Variants in GLB1L2 observed in about 807,000 individuals in gnomAD.
GLB1L2 encodes galactosidase beta 1 like 2.
GLB1L2 carries 68 observed loss-of-function variants against 84.1 expected under a neutral mutation model. The ratio of observed to expected loss-of-function variants is 0.81; its 90% CI spans 0.67 to 0.99. The LOEUF is 0.99. Ranked by LOEUF, GLB1L2 falls within the 50% of genes least tolerant of loss-of-function variation. The pLI is 0.00. For missense variants in GLB1L2, 762 were observed against 805.6 expected (o/e 0.95, Z 0.66); for synonymous variants, 290 against 318.0 (o/e 0.91, Z 0.94).
At chr11:134,335,843 G>C (rs1223431389) in intron 1 of GLB1L2, among the ~76,000 whole-genome samples, 2 of 152,180 alleles carry the variant, frequency 1.3e-5, no homozygotes, top group African/African-American at 4.8e-5. Context: ...TGCGGAGAAA[G>C]GTTTGAGAAC....
At chr11:134,374,897 CT>C (rs1944005594) in intron 18 of GLB1L2, 74 bp from the exon 19 acceptor site, 1 of 1,428,214 alleles carries the variant, frequency 7.0e-7, no homozygotes, top group African/African-American at 1.4e-5. Flanking sequence ...CCTTCTGACC[CT>C]GCCACCTCTC....
rs550449487 is a variant in GLB1L2, at chr11:134,375,735, A to G, written c.*677A>G. ...TAGCAGGTGTCTCTGGTGTTCAGTG[A>G]GGAGGACATGTGAGTCCTGGCAGAA... is the stretch of plus-strand genomic sequence containing the variant. On this transcript the variant is annotated 3_prime_UTR_variant, in exon 19 of 19. Coordinates refer to ENST00000535456, the MANE Select transcript of GLB1L2 (RefSeq NM_001370461.1). The G allele has an allele frequency of 6.6e-6, 1 of 152,558 alleles. No individual in the cohort carries two copies. The highest frequency in any genetic ancestry group is 2.1e-4 in the South Asian group (1 of 4,834). The allele number at this position is 152,558 out of a possible 1,614,324, so 9.5% of individuals were successfully genotyped here.
intron 7 of GLB1L2, among the ~76,000 whole-genome samples, chr11:134,363,516 G>A (rs1427353552): frequency 6.6e-6 from 1 of 152,236 alleles, no homozygotes; most frequent in Admixed American, 6.5e-5. Context: ...ATGCCCGGGT[G>A]TCAGCCAAAC....
intron 7 of GLB1L2, among the ~76,000 whole-genome samples, chr11:134,362,457 A>C (rs1026986363): frequency 6.6e-6 from 1 of 152,106 alleles, no homozygotes; most frequent in Non-Finnish European, 1.5e-5. Context: ...CTCGGCTGCC[A>C]CTCGGAGCGC....
intron 7 of GLB1L2, chr11:134,361,260 A>C (rs540877140): frequency 6.6e-6 from 1 of 152,340 alleles, no homozygotes; most frequent in Non-Finnish European, 1.5e-5. Context: ...TGAGAGGCAG[A>C]GGTTGCAGTG....
In GLB1L2 at chr11:134,375,033, T is replaced by G. The variant is rs748550135; in HGVS notation, c.1886T>G (p.Leu629Arg). 1.2e-6 allele frequency: 2 copies of G among 1,613,752 alleles called. No homozygotes were observed. The highest frequency in any genetic ancestry group is 1.7e-6 in the Non-Finnish European group (2 of 1,179,950). Residue 629 changes from leucine (L) to arginine (R), a missense_variant, in exon 19 of 19, where the codon CTG (leucine) becomes CGG (arginine). Leu to Arg is a moderately radical substitution (Grantham distance 102). Transcript: ENST00000535456. ...TTACAGTTCACGGAAACCCCCCACC[T>G]GGGCAGGAACCAGTACATTAAGTGA... ...PALQFTETPH[L>R]GRNQYIK
In GLB1L2 at chr11:134,370,384, C is replaced by G. The variant is rs755378887; in HGVS notation, c.1200C>G (p.Leu400=). 5 of 1,613,384 alleles carry G rather than the reference C, an allele frequency of 3.1e-6. 1 individual carries two copies. In the South Asian group the frequency reaches 5.5e-5, roughly 18 times the overall value. Residue 400 remains leucine (L), a synonymous_variant, in exon 12 of 19, where the codon CTC becomes CTG. Transcript: ENST00000535456. This position sits in a 1 kb window ranked among gnomAD's most constrained non-coding sequence, Gnocchi z 4.7. ...TGTACCTGTCTCTGTGGGACGCCCT[C>G]AAGTACCTGGGGGAGGTGAGTGCTG... ...PVLYLSLWDA[L]KYLGEPIKSE...
At chr11:134,361,480 C>A (rs1943789094) in intron 7 of GLB1L2, 1 of 152,360 alleles carries the variant, frequency 6.6e-6, no homozygotes, top group Non-Finnish European at 1.5e-5. Context: ...TGGGTGATGC[C>A]CTGCACAGTA....
At chr11:134,344,239 G>C in intron 2 of GLB1L2, 148 bp from the exon 3 acceptor site, 1 of 949,708 alleles carries the variant, frequency 1.1e-6, no homozygotes. Flanking sequence ...CCCTAGATCA[G>C]TTCACTTAGT....
At chr11:134,356,443 C>A in intron 6 of GLB1L2, 50 bp downstream of exon 6, 1 of 1,342,088 alleles carries the variant, frequency 7.5e-7, no homozygotes, top group Non-Finnish European at 1.1e-6. Context: ...CTGGAGTGTG[C>A]TATAGGCTGT....
Position 134,367,422 on chromosome 11 carries a change from T to C in GLB1L2, c.889+81T>C, listed in dbSNP as rs1316153582. The stretch of plus-strand genomic sequence containing the variant: ...AGTTTCAGTCACCTGCTAACTAATG[T>C]AAGCCATAGGGGGTGCAAGGCTGCT... On this transcript the variant is annotated intron_variant, in intron 9 of 18. Coordinates refer to ENST00000535456, the MANE Select transcript of GLB1L2 (RefSeq NM_001370461.1). The C allele has an allele frequency of 5.8e-6, 7 of 1,208,816 alleles. No homozygotes were observed. In the East Asian group the frequency reaches 1.7e-4, roughly 29 times the overall value. 74.9% of individuals were successfully genotyped at this position (1,208,816 alleles called of 1,614,324 possible).
Position 134,370,198 on chromosome 11 carries a change from A to T in GLB1L2, c.1109-95A>T. 2.0e-6 allele frequency: 2 copies of T among 1,008,290 alleles called. No homozygotes were observed. Among genetic ancestry groups the T allele is most frequent in the Non-Finnish European group, 3.1e-6 (2 of 637,534 alleles). 62.5% of individuals were successfully genotyped at this position (1,008,290 alleles called of 1,614,324 possible). On this transcript the variant is annotated intron_variant, in intron 11 of 18. Coordinates refer to ENST00000535456, the MANE Select transcript of GLB1L2 (RefSeq NM_001370461.1). This position sits in a 1 kb window ranked among gnomAD's most constrained non-coding sequence, Gnocchi z 4.7. ...GTTCCTCTTGGTGCTGGGACGCAGG[A>T]GCACATCGGGTCTGTGGATGGGAGC... is the stretch of plus-strand genomic sequence containing the variant.
chr11:134,374,646 A>G lies in GLB1L2; in HGVS notation c.1752A>G (p.Gly584=). The G allele has an allele frequency of 6.2e-7, 1 of 1,614,016 alleles. No individual in the cohort carries two copies. ...GVVFINGQNL[G]RYWNIGPQKT... ...TATTCATCAATGGCCAGAACCTTGG[A>G]CGTTACTGGAACATTGGACCCCAGA... The change falls in exon 18 of 19, where the codon GGA becomes GGG. Residue 584 remains glycine, a synonymous_variant. Coordinates refer to ENST00000535456, the MANE Select transcript of GLB1L2 (RefSeq NM_001370461.1).
chr11:134,369,588 T>TACA (rs1398694747), intron 10 of GLB1L2, among the ~76,000 whole-genome samples: 4 of 152,218 alleles, frequency 2.6e-5, no homozygotes, highest in South Asian at 2.1e-4. Context: ...GTGCTGGGAT[T>TACA]GCAGGTGTGA....
chr11:134,368,829 T>A (rs1312478238), intron 10 of GLB1L2, 48 bp downstream of exon 10: 1 of 1,599,020 alleles, frequency 6.3e-7, no homozygotes, highest in East Asian at 2.2e-5. Context: ...TGCATGGGCA[T>A]GGCTGGGACT....
chr11:134,373,553 C>T (rs3741098), intron 15 of GLB1L2, among the ~76,000 whole-genome samples, 168 bp from the exon 16 acceptor site: 33,807 of 152,042 alleles, frequency 0.22, 4,096 homozygotes, highest in East Asian at 0.5. Flanking sequence ...TGCAAGCGAA[C>T]GGCTTCCCAG....
intron 5 of GLB1L2, 124 bp from the exon 6 acceptor site, chr11:134,356,177 T>C (rs1043606378): frequency 5.2e-6 from 4 of 776,052 alleles, no homozygotes; most frequent in African/African-American, 1.7e-5. Flanking sequence ...TTATTGATAC[T>C]AATCTTTTGA....
In GLB1L2 at chr11:134,339,431, C is replaced by T. The variant is rs1196220718; in HGVS notation, c.87-3323C>T. 2.0e-5 allele frequency among the ~76,000 whole-genome samples: 3 copies of T among 152,080 alleles called. No homozygotes were observed. The highest frequency in any genetic ancestry group is 4.4e-5 in the Non-Finnish European group (3 of 68,028). Reference sequence around the variant, plus strand: ...GTGAATTCCTTGGAGAAACCCAACACGTATCATCCTCATTTTCTTGGTGAA... The same window carrying T: ...GTGAATTCCTTGGAGAAACCCAACATGTATCATCCTCATTTTCTTGGTGAA... On this transcript the variant is annotated intron_variant, in intron 1 of 18. Transcript: ENST00000535456. The surrounding 1 kb of genome is among the most constrained non-coding windows in gnomAD (Gnocchi z 5.7).
intron 1 of GLB1L2, among the ~76,000 whole-genome samples, chr11:134,337,128 A>G (rs1943399065): frequency 6.6e-6 from 1 of 152,210 alleles, no homozygotes; most frequent in African/African-American, 2.4e-5. Flanking sequence ...CTGAACCACC[A>G]ATATTGCTTC....
Sources: allele counts gnomAD v4.1 joint callset (sites outside exome capture counted in the v4.1 genomes callset), GRCh38; gene constraint gnomAD v4.1.1; non-coding constraint Gnocchi (gnomAD v3.1); transcripts MANE v1.5; gene names NCBI Gene and HGNC (gene_info 2026-07-23, HGNC 2026-07-21).